Variants in RFC3 observed in about 807,000 individuals in gnomAD.
RFC3 encodes A1 38 kDa subunit.
A neutral mutation model predicts 45.1 loss-of-function variants in RFC3; 41 were observed. That is an observed-to-expected ratio of 0.91 (90% CI 0.71 to 1.18). The LOEUF (loss-of-function observed/expected upper bound fraction) is 1.18, where lower values mean the gene tolerates loss of function less well. RFC3 is among the 50% of genes most tolerant of loss of function. The pLI is 0.00. For synonymous variants in RFC3, 149 were observed against 144.0 expected (o/e 1.03, Z -0.25); for missense variants, 423 against 428.1 (o/e 0.99, Z 0.10).
chr13:33,887,442 A>C (rs2082533280), intron 8 of RFC3, among the ~76,000 whole-genome samples: 1 of 152,080 alleles, frequency 6.6e-6, no homozygotes, highest in Non-Finnish European at 1.5e-5. Flanking sequence ...TCTTTTGAGA[A>C]GTGTCTGTTC....
chr13:33,919,738 GAA>G (rs1287533075), intron 8 of RFC3, among the ~76,000 whole-genome samples: 1 of 152,028 alleles, frequency 6.6e-6, no homozygotes, highest in East Asian at 1.9e-4. Flanking sequence ...AAATTATATT[GAA>G]GAGTCATGTC....
chr13:33,873,868 A>G (rs1235718709), intron 8 of RFC3, among the ~76,000 whole-genome samples: 1 of 152,230 alleles, frequency 6.6e-6, no homozygotes, highest in Non-Finnish European at 1.5e-5. Flanking sequence ...ATTCATTTTA[A>G]TCAGAGGCAG....
At chr13:33,915,812 A>ATT (rs1033741152) in intron 8 of RFC3, among the ~76,000 whole-genome samples, 7 of 151,954 alleles carry the variant, frequency 4.6e-5, no homozygotes, top group East Asian at 1.9e-4. Flanking sequence ...ATATATATAT[A>ATT]TTTTGAGAGA....
intron 1 of RFC3, 118 bp from the exon 2 acceptor site, chr13:33,821,014 C>A: frequency 1.0e-6 from 1 of 980,670 alleles, no homozygotes; most frequent in Non-Finnish European, 1.5e-6. Context: ...TGTATCTACT[C>A]ATGAACTGGG....
chr13:33,949,306 G>A (rs1273092083), intron 8 of RFC3, among the ~76,000 whole-genome samples: 3 of 152,022 alleles, frequency 2.0e-5, no homozygotes, highest in African/African-American at 7.3e-5. Context: ...AGTTTCCTGA[G>A]GCCTTCTCAG....
At chr13:33,957,307 T>G (rs559879177) in intron 8 of RFC3, among the ~76,000 whole-genome samples, 3 of 152,366 alleles carry the variant, frequency 2.0e-5, no homozygotes, top group Admixed American at 1.3e-4. Flanking sequence ...CTTTTCTTCT[T>G]TATTGTTATA....
downstream of RFC3, among the ~76,000 whole-genome samples, chr13:33,970,713 C>T (rs2083106256): frequency 6.6e-6 from 1 of 152,218 alleles, no homozygotes; most frequent in South Asian, 2.1e-4. Context: ...TGGGTGGGAA[C>T]TCTGGGAAGC....
downstream of RFC3, among the ~76,000 whole-genome samples, chr13:33,971,373 C>T (rs760318151): frequency 3.9e-5 from 6 of 152,178 alleles, no homozygotes; most frequent in Non-Finnish European, 5.9e-5. Context: ...AAATGTTGTG[C>T]GTCATTCTGA....
intron 1 of RFC3, among the ~76,000 whole-genome samples, chr13:33,820,384 A>G (rs1257177623): frequency 1.3e-5 from 2 of 152,126 alleles, no homozygotes; most frequent in Non-Finnish European, 2.9e-5. Context: ...TCCCCCATCC[A>G]CTTTTCTAAG....
intron 8 of RFC3, among the ~76,000 whole-genome samples, chr13:33,893,594 G>A (rs1254310884): frequency 3.3e-5 from 5 of 151,950 alleles, no homozygotes; most frequent in Non-Finnish European, 7.4e-5. Context: ...ATTCAAAATA[G>A]CAGTTGTAAG....
chr13:33,862,882 A>G (rs2082349913), intron 8 of RFC3, among the ~76,000 whole-genome samples: 1 of 152,190 alleles, frequency 6.6e-6, no homozygotes, highest in Admixed American at 6.5e-5. Flanking sequence ...TACTTAGTCC[A>G]TTTCCCAAGT....
Position 33,925,523 on chromosome 13 carries a change from TATAC to T in RFC3, c.880-40552_880-40549del, listed in dbSNP as rs1305359852. ...ATATACATACATACATAGTGTACTA[TATAC>T]ATACATACATAGTGTACTATATACA... On this transcript the variant is annotated intron_variant, in intron 8 of 8. Coordinates refer to the RFC3 transcript ENST00000434425. Among the ~76,000 whole-genome samples, 81 of 143,438 alleles carry T rather than the reference TATAC, an allele frequency of 5.6e-4. 1 individual carries two copies. The highest frequency in any genetic ancestry group is 1.9e-3 in the African/African-American group (71 of 37,698). 94.1% of individuals were successfully genotyped at this position (143,438 alleles called of 152,430 possible). A position where few individuals can be genotyped will look rare whatever the true frequency, so the allele number is the denominator to read the frequency against.
At position 33,836,304 on chromosome 13, in the gene RFC3, A is replaced by G. The variant is rs758365672; in HGVS notation, c.*9A>G. 3.4e-5 allele frequency: 55 copies of G among 1,610,528 alleles called. No individual in the cohort carries two copies. Among genetic ancestry groups the G allele is most frequent in the Non-Finnish European group, 4.2e-6 (5 of 1,177,296 alleles). On this transcript the variant is annotated 3_prime_UTR_variant, in exon 9 of 9. Transcript: ENST00000380071. ...AAGGCATGATGTTCTGACTTCTGTC[A>G]GTTATTCTTGCAAAGATTTCTCAGT...
chr13:33,855,225 T>C (rs1365207650), intron 8 of RFC3, among the ~76,000 whole-genome samples: 1 of 152,214 alleles, frequency 6.6e-6, no homozygotes, highest in Non-Finnish European at 1.5e-5. Context: ...GTGTGCACAA[T>C]AAACTTTTAA....
chr13:33,840,489 A>G (rs2082189619), downstream of RFC3, among the ~76,000 whole-genome samples: 1 of 151,956 alleles, frequency 6.6e-6, no homozygotes, highest in Admixed American at 6.6e-5. Context: ...GTTGTGGGTT[A>G]GATTTCTTGC....
At chr13:33,872,241 G>T (rs906128226) in intron 8 of RFC3, among the ~76,000 whole-genome samples, 1 of 152,168 alleles carries the variant, frequency 6.6e-6, no homozygotes, top group Non-Finnish European at 1.5e-5. Context: ...AGGCACTGGA[G>T]GGGAGAAGGC....
At chr13:33,919,604 T>C (rs2082755026) in intron 8 of RFC3, among the ~76,000 whole-genome samples, 1 of 152,140 alleles carries the variant, frequency 6.6e-6, no homozygotes, top group Non-Finnish European at 1.5e-5. Flanking sequence ...TTCCTGAAAG[T>C]AGTGATGTAA....
At chr13:33,899,599 C>A (rs2137663486) in intron 8 of RFC3, among the ~76,000 whole-genome samples, 1 of 151,832 alleles carries the variant, frequency 6.6e-6, no homozygotes, top group South Asian at 2.1e-4. Flanking sequence ...AAATTGAAGG[C>A]TTTTCCTTTA....
At chr13:33,887,005 G>A (rs1316358817) in intron 8 of RFC3, among the ~76,000 whole-genome samples, 1 of 148,022 alleles carries the variant, frequency 6.8e-6, no homozygotes, top group African/African-American at 2.5e-5. Flanking sequence ...TGGTGTATAT[G>A]TGCCACATTT....
Sources: gnomAD v4.1 joint callset for allele counts (sites outside exome capture counted in the v4.1 genomes callset) on GRCh38, gnomAD v4.1.1 for gene constraint, MANE v1.5 for transcripts, NCBI Gene and HGNC (gene_info 2026-07-23, HGNC 2026-07-21) for gene names.